Variants in MAP7D2 observed in about 807,000 individuals in gnomAD.
MAP7D2 encodes the protein MAP7 domain-containing protein 2.
In MAP7D2, 33 loss-of-function variants were observed where a neutral mutation model predicts 63.5. The ratio of observed to expected loss-of-function variants is 0.52; its 90% CI spans 0.39 to 0.70. The LOEUF (loss-of-function observed/expected upper bound fraction) is 0.70, where lower values mean the gene tolerates loss of function less well. Among genes scored for constraint, MAP7D2 ranks in the 30% least tolerant of loss-of-function variants. The pLI, the probability that MAP7D2 is intolerant of heterozygous loss-of-function variation, is 0.00. For missense variants in MAP7D2, 626 were observed against 604.0 expected, an observed-to-expected ratio of 1.04 and a Z score of -0.38; for synonymous variants, 224 against 223.7, an observed-to-expected ratio of 1.00 and a Z score of -0.01.
intron 1 of MAP7D2, among the ~76,000 whole-genome samples, chrX:20,108,862 AAC>A (rs1360999133): frequency 1.8e-5 from 2 of 110,645 alleles, no homozygotes; most frequent in Non-Finnish European, 3.8e-5. Context: ...AATCATACCC[AAC>A]ACAGTGTCCT....
intron 1 of MAP7D2, among the ~76,000 whole-genome samples, chrX:20,089,703 G>A (rs751629520): frequency 3.9e-4 from 44 of 112,458 alleles, no homozygotes; most frequent in African/African-American, 5.5e-4. Flanking sequence ...GCTTTCCAAC[G>A]TTTTAGATCA....
chrX:20,008,881 TG>T (rs1281087396), intron 16 of MAP7D2, among the ~76,000 whole-genome samples: 1 of 112,136 alleles, frequency 8.9e-6, no homozygotes, highest in Non-Finnish European at 1.9e-5. Flanking sequence ...GAAATAAATT[TG>T]AGGACCTATG....
intron 8 of MAP7D2, among the ~76,000 whole-genome samples, chrX:20,027,693 GAGAGAGAA>G (rs1329553197): frequency 1.9e-5 from 2 of 107,913 alleles, no homozygotes; most frequent in African/African-American, 3.4e-5. Flanking sequence ...GGGAGAGAGG[GAGAGAGAA>G]AGAGAGGGAG....
rs1186175832 is a variant in MAP7D2, at chrX:20,044,364, C to T, written c.879G>A (p.Leu293=). 8.3e-7 allele frequency: 1 copy of T among 1,210,600 alleles called. No homozygotes were observed. The change falls in exon 7 of 17, where the codon CTG becomes CTA. Residue 293 remains leucine, a splice_region_variant and synonymous_variant. Transcript: ENST00000379643. ...AGTGGGTGGGTGGTTTTAAACCTACCAGAGAGGCCTCTCCTCCTGAAAGGG... is the reference window on the plus strand; with the variant it reads ...AGTGGGTGGGTGGTTTTAAACCTACTAGAGAGGCCTCTCCTCCTGAAAGGG... ...KEALSGGEAS[L]VEKVKRGQRT... is the part of the protein sequence containing the mutation.
intron 1 of MAP7D2, among the ~76,000 whole-genome samples, chrX:20,109,660 G>A (rs1489734375): frequency 9.0e-6 from 1 of 110,931 alleles, no homozygotes; most frequent in African/African-American, 3.3e-5. Context: ...ACCTCTCGCT[G>A]AATACATAAC....
intron 6 of MAP7D2, among the ~76,000 whole-genome samples, chrX:20,049,488 T>C (rs966073667): frequency 5.4e-5 from 6 of 110,316 alleles, no homozygotes; most frequent in Non-Finnish European, 7.6e-5. Flanking sequence ...GCCATGCTGG[T>C]CTCGAACTCC....
At chrX:20,076,840 T>A (rs1335189432) in intron 1 of MAP7D2, among the ~76,000 whole-genome samples, 1 of 112,722 alleles carries the variant, frequency 8.9e-6, no homozygotes. Context: ...TAAATTCCCA[T>A]AGGTTTCCTT....
At chrX:20,097,099 A>C (rs1382217030) in intron 1 of MAP7D2, among the ~76,000 whole-genome samples, 1 of 111,669 alleles carries the variant, frequency 9.0e-6, no homozygotes, top group Non-Finnish European at 1.9e-5. Flanking sequence ...TTTTGCAATG[A>C]CAGAAGTGTT....
At chrX:20,079,426 T>C (rs943543608) in intron 1 of MAP7D2, among the ~76,000 whole-genome samples, 2 of 112,412 alleles carry the variant, frequency 1.8e-5, no homozygotes, top group Admixed American at 1.9e-4. Context: ...TTTCTCATGC[T>C]TTTAACTGTC....
At chrX:20,022,055 C>G (rs1483167834) in intron 10 of MAP7D2, among the ~76,000 whole-genome samples, 1 of 112,043 alleles carries the variant, frequency 8.9e-6, no homozygotes, top group East Asian at 2.8e-4. Context: ...AACTGAACAG[C>G]TGGGCTCAGT....
chrX:20,016,405 A>G (rs2073392903), intron 10 of MAP7D2, 80 bp from the exon 11 acceptor site: 1 of 828,236 alleles, frequency 1.2e-6, no homozygotes, highest in Non-Finnish European at 1.8e-6. Flanking sequence ...GACAGCCGAG[A>G]ATAATGCTCC....
intron 8 of MAP7D2, among the ~76,000 whole-genome samples, chrX:20,027,062 G>A (rs939974319): frequency 1.8e-5 from 2 of 112,082 alleles, no homozygotes; most frequent in Non-Finnish European, 3.8e-5. Context: ...TGCTAATAAG[G>A]GGAAATATGA....
intron 10 of MAP7D2, among the ~76,000 whole-genome samples, chrX:20,022,986 A>G (rs1306481484): frequency 1.8e-5 from 2 of 111,582 alleles, no homozygotes; most frequent in African/African-American, 6.5e-5. Flanking sequence ...TACTGAATGT[A>G]TATTTTGGTG....
chrX:20,037,504 T>G (rs895602083), intron 8 of MAP7D2, among the ~76,000 whole-genome samples: 4 of 111,649 alleles, frequency 3.6e-5, no homozygotes, highest in Non-Finnish European at 7.5e-5. Flanking sequence ...GTGGATGATA[T>G]GCAGGCACCA....
chrX:20,017,963 CTCT>C (rs1189227271), intron 10 of MAP7D2, among the ~76,000 whole-genome samples: 41 of 90,880 alleles, frequency 4.5e-4, no homozygotes, highest in African/African-American at 1.9e-3. Flanking sequence ...AAAATCCATT[CTCT>C]TTTTTTTTTT....
intron 5 of MAP7D2, chrX:20,052,332 C>A: frequency 4.3e-6 from 1 of 232,452 alleles, no homozygotes; most frequent in Non-Finnish European, 8.1e-6. Context: ...TACACATCAT[C>A]TCCTAACTCA....
intron 6 of MAP7D2, among the ~76,000 whole-genome samples, chrX:20,048,354 A>T (rs1037242142): frequency 2.7e-5 from 3 of 111,088 alleles, no homozygotes; most frequent in African/African-American, 9.8e-5. Context: ...TGTTGTCGTA[A>T]CTCATTGCTG....
chrX:20,114,454 G>A (rs1175857884), intron 1 of MAP7D2, among the ~76,000 whole-genome samples: 1 of 112,810 alleles, frequency 8.9e-6, no homozygotes, highest in Non-Finnish European at 1.9e-5. Flanking sequence ...AGGTTGTTAA[G>A]CAGATTGAAA....
chrX:20,096,837 T>G (rs1437485117), intron 1 of MAP7D2, among the ~76,000 whole-genome samples: 1 of 112,506 alleles, frequency 8.9e-6, no homozygotes, highest in African/African-American at 3.2e-5. Flanking sequence ...GAATCCACAC[T>G]TGCTATCTAC....
Sources: gnomAD v4.1 joint callset for allele counts (sites outside exome capture counted in the v4.1 genomes callset) on GRCh38, gnomAD v4.1.1 for gene constraint, MANE v1.5 for transcripts, NCBI Gene and HGNC (gene_info 2026-07-23, HGNC 2026-07-21) for gene names.